ARB2A: variants seen among roughly 807,000 people sequenced by gnomAD.
ARB2A encodes the protein cotranscriptional regulator ARB2A.
At chr5:93,988,838 A>G in the ARB2A span, among the ~76,000 whole-genome samples, 1 of 152,180 alleles carries the variant, frequency 6.6e-6, no homozygotes, top group Non-Finnish European at 1.5e-5. Context: ...TGGCAGTCAA[A>G]GGGTTATATA....
chr5:94,062,323 T>A, the ARB2A span, among the ~76,000 whole-genome samples: 1 of 152,260 alleles, frequency 6.6e-6, no homozygotes. Flanking sequence ...ACTCACCTTA[T>A]CTACAAAGAA....
the ARB2A span, among the ~76,000 whole-genome samples, chr5:93,866,843 T>C: frequency 8.5e-5 from 13 of 152,334 alleles, no homozygotes; most frequent in African/African-American, 3.1e-4. Context: ...CTAAAAAATA[T>C]CTACTAAGTT....
chr5:93,817,656 A>G, the ARB2A span, among the ~76,000 whole-genome samples: 23 of 152,166 alleles, frequency 1.5e-4, no homozygotes, highest in Non-Finnish European at 2.9e-4. Context: ...GTCCAGAAGC[A>G]AACCCTTACA....
the ARB2A span, among the ~76,000 whole-genome samples, chr5:94,100,629 G>A: frequency 6.6e-6 from 1 of 151,728 alleles, no homozygotes; most frequent in Non-Finnish European, 1.5e-5. Context: ...CCACAAATAA[G>A]GCCACACATC....
the ARB2A span, among the ~76,000 whole-genome samples, chr5:93,719,563 A>G: frequency 6.6e-6 from 1 of 151,940 alleles, no homozygotes. Flanking sequence ...CAGCCAGCAT[A>G]TTCCTTCTAT....
At chr5:93,763,734 C>T in the ARB2A span, among the ~76,000 whole-genome samples, 5 of 152,198 alleles carry the variant, frequency 3.3e-5, no homozygotes, top group African/African-American at 1.2e-4. Flanking sequence ...CCCAAATCAA[C>T]AGAATATACA....
At chr5:93,666,965 AAATT>A in the ARB2A span, among the ~76,000 whole-genome samples, 1 of 152,334 alleles carries the variant, frequency 6.6e-6, no homozygotes, top group East Asian at 1.9e-4. Context: ...CATAAAAAGA[AAATT>A]TAAAATTTTT....
At chr5:93,715,097 T>C in the ARB2A span, among the ~76,000 whole-genome samples, 1 of 152,188 alleles carries the variant, frequency 6.6e-6, no homozygotes, top group African/African-American at 2.4e-5. Flanking sequence ...AACAAGAGGA[T>C]TGTACTCTAC....
chr5:93,694,798 G>C, the ARB2A span, among the ~76,000 whole-genome samples: 1 of 152,098 alleles, frequency 6.6e-6, no homozygotes, highest in Non-Finnish European at 1.5e-5. Context: ...ATACTATAAG[G>C]CTACAGTAAC....
chr5:93,967,339 G>A, the ARB2A span, among the ~76,000 whole-genome samples: 3,059 of 152,078 alleles, frequency 0.02, 49 homozygotes, highest in Non-Finnish European at 0.033. Context: ...TTGGAAGTAG[G>A]TACTACTGAC....
At chr5:93,934,880 A>C in the ARB2A span, among the ~76,000 whole-genome samples, 2 of 152,200 alleles carry the variant, frequency 1.3e-5, no homozygotes, top group African/African-American at 4.8e-5. Flanking sequence ...TGTATAAAAA[A>C]ACTGGAGTGA....
At chr5:93,920,560 T>C in the ARB2A span, among the ~76,000 whole-genome samples, 251 of 152,262 alleles carry the variant, frequency 1.6e-3, no homozygotes, top group African/African-American at 4.8e-3. Flanking sequence ...AAGTTAGGCA[T>C]GTCATGAATG....
At chr5:94,051,265 G>T in the ARB2A span, among the ~76,000 whole-genome samples, 9 of 152,256 alleles carry the variant, frequency 5.9e-5, no homozygotes, top group African/African-American at 2.2e-4. Flanking sequence ...TGCCACTGGG[G>T]ATTCATATAG....
chr5:93,888,018 C>T, the ARB2A span, among the ~76,000 whole-genome samples: 1 of 151,870 alleles, frequency 6.6e-6, no homozygotes, highest in Non-Finnish European at 1.5e-5. Flanking sequence ...ACACCCTTGT[C>T]TCCAGTTCTG....
chr5:94,010,447 G>A, the ARB2A span, among the ~76,000 whole-genome samples: 1 of 151,572 alleles, frequency 6.6e-6, no homozygotes, highest in Non-Finnish European at 1.5e-5. Flanking sequence ...CTTGTATTAC[G>A]GCCCAGAATA....
the ARB2A span, among the ~76,000 whole-genome samples, chr5:93,913,921 T>C: frequency 6.6e-6 from 1 of 151,956 alleles, no homozygotes; most frequent in Admixed American, 6.6e-5. Flanking sequence ...TAATTAATAA[T>C]ACAATAGACA....
At chr5:94,081,231 G>C in the ARB2A span, among the ~76,000 whole-genome samples, 1 of 152,174 alleles carries the variant, frequency 6.6e-6, no homozygotes, top group Non-Finnish European at 1.5e-5. Context: ...TATATTGCTA[G>C]TGTGACAACA....
the ARB2A span, among the ~76,000 whole-genome samples, chr5:93,998,845 T>C: frequency 1.3e-5 from 2 of 152,116 alleles, no homozygotes; most frequent in Non-Finnish European, 2.9e-5. Flanking sequence ...TATAAAACCA[T>C]TACTAGGCTA....
chr5:93,673,019 T>C, the ARB2A span, among the ~76,000 whole-genome samples: 1 of 152,168 alleles, frequency 6.6e-6, no homozygotes, highest in Non-Finnish European at 1.5e-5. Flanking sequence ...TGAAACATAA[T>C]TGTCTCTAGA....
Sources: gnomAD v4.1 joint callset for allele counts (sites outside exome capture counted in the v4.1 genomes callset) on GRCh38, gnomAD v4.1.1 for gene constraint, MANE v1.5 for transcripts, NCBI Gene and HGNC (gene_info 2026-07-23, HGNC 2026-07-21) for gene names.